Variants in MARK2 observed in about 807,000 individuals in gnomAD.
MARK2 encodes serine/threonine-protein kinase MARK2.
Under a neutral mutation model 89.8 loss-of-function variants are expected in MARK2, and 16 were observed. The observed-to-expected ratio is 0.18, with a 90% CI of 0.12 to 0.27. MARK2 has a LOEUF of 0.27. MARK2 is among the 10% of genes least tolerant of loss of function. MARK2 has a pLI of 1.00. For synonymous variants in MARK2, 382 were observed against 399.5 expected, an observed-to-expected ratio of 0.96 and a Z score of 0.52; for missense variants, 621 against 1,049.9, an observed-to-expected ratio of 0.59 and a Z score of 5.65.
intron 1 of MARK2, chr11:63,888,840 G>C (rs989978041): frequency 4.6e-6 from 6 of 1,300,726 alleles, no homozygotes; most frequent in African/African-American, 1.5e-5. Context: ...TGGCTGAGCC[G>C]GCAGCCCCCG....
At chr11:63,867,328 A>G (rs1296256236) in intron 1 of MARK2, among the ~76,000 whole-genome samples, 1 of 152,228 alleles carries the variant, frequency 6.6e-6, no homozygotes, top group African/African-American at 2.4e-5. Context: ...ACAGTTGGCC[A>G]AGGTATAGTT....
chr11:63,874,643 C>T (rs758586222), intron 1 of MARK2, among the ~76,000 whole-genome samples: 1 of 152,198 alleles, frequency 6.6e-6, no homozygotes, highest in Non-Finnish European at 1.5e-5. Context: ...GTTGCCAATG[C>T]TTGCCCTGTG....
At position 63,910,224 on chromosome 11, in the gene MARK2, C is replaced by T. The variant is rs1236292432; in HGVS notation, c.*987C>T. On this transcript the variant is annotated 3_prime_UTR_variant, in exon 19 of 19. Transcript: ENST00000402010. Reference sequence around the variant, plus strand: ...ACAGCCCCCTCGCCCTTCCTCTCCCCATGGCTTCCCCTTCATTGGCATTAA... The same window carrying T: ...ACAGCCCCCTCGCCCTTCCTCTCCCTATGGCTTCCCCTTCATTGGCATTAA... The T allele has an allele frequency of 6.5e-6, 1 of 152,738 alleles. No individual in the cohort carries two copies. 9.5% of individuals were successfully genotyped at this position (152,738 alleles called of 1,614,324 possible).
intron 1 of MARK2, among the ~76,000 whole-genome samples, chr11:63,873,708 C>A (rs545170540): frequency 6.6e-6 from 1 of 152,268 alleles, no homozygotes; most frequent in South Asian, 2.1e-4. Context: ...TGCAGTGGCG[C>A]GATCTCGGCT....
chr11:63,872,677 C>CTAG (rs1938522913), intron 1 of MARK2, among the ~76,000 whole-genome samples: 1 of 152,150 alleles, frequency 6.6e-6, no homozygotes, highest in African/African-American at 2.4e-5. Flanking sequence ...CCCGCTTCTA[C>CTAG]CGTGGTTGGT....
At chr11:63,890,090 T>A (rs1390287179) in intron 1 of MARK2, 3 of 434,734 alleles carry the variant, frequency 6.9e-6, no homozygotes, top group African/African-American at 2.0e-5. Context: ...CACTGCATAC[T>A]CTTACCTCTT....
At chr11:63,885,000 C>T (rs1318243168) in intron 1 of MARK2, among the ~76,000 whole-genome samples, 2 of 151,972 alleles carry the variant, frequency 1.3e-5, no homozygotes, top group African/African-American at 4.8e-5. Context: ...CCAGGGAGTT[C>T]GAGACCAGCC....
chr11:63,907,452 C>T lies in MARK2; in HGVS notation c.1962-808C>T, dbSNP rs1590715277. On this transcript the variant is annotated intron_variant, in intron 17 of 18. Coordinates refer to ENST00000402010, the MANE Select transcript of MARK2 (RefSeq NM_001039469.3). The stretch of plus-strand genomic sequence containing the variant: ...TGCTGCTGCTCTTCCTCCTTCCTCT[C>T]ATATCCTTCCTCCTCTGCAATCCCC... Among the ~76,000 whole-genome samples the T allele has an allele frequency of 2.0e-5, 3 of 152,362 alleles. No individual in the cohort carries two copies. The South Asian group carries it at 6.2e-4, about 32-fold the overall frequency.
At chr11:63,862,895 C>G (rs1937888694) in intron 1 of MARK2, among the ~76,000 whole-genome samples, 2 of 152,098 alleles carry the variant, frequency 1.3e-5, no homozygotes, top group Non-Finnish European at 2.9e-5. Context: ...ACATAAGAAG[C>G]TTTTGTCTGT....
At chr11:63,885,039 C>T (rs1328860692) in intron 1 of MARK2, among the ~76,000 whole-genome samples, 1 of 152,024 alleles carries the variant, frequency 6.6e-6, no homozygotes, top group African/African-American at 2.4e-5. Flanking sequence ...CCTGTCTGTA[C>T]AAAAAATACA....
chr11:63,888,764 T>A lies in MARK2; in HGVS notation c.55-6395T>A. ...CCAGGCAGGAACCGCTCGGCCTGGC[T>A]GCTTAGCTACTTTTCACTGAGGAGG... On this transcript the variant is annotated intron_variant, in intron 1 of 18. Transcript: ENST00000402010. 3 of 1,225,144 alleles carry A rather than the reference T, an allele frequency of 2.4e-6. No homozygotes were observed. In the South Asian group the frequency reaches 4.2e-5, roughly 17 times the overall value. The allele number at this position is 1,225,144 out of a possible 1,614,324, so 75.9% of individuals were successfully genotyped here. A position where few individuals can be genotyped will look rare whatever the true frequency, so the allele number is the denominator to read the frequency against.
intron 3 of MARK2, among the ~76,000 whole-genome samples, chr11:63,897,297 G>A (rs146257385): frequency 6.6e-6 from 1 of 152,286 alleles, no homozygotes; most frequent in African/African-American, 2.4e-5. Context: ...TGTTGGACCA[G>A]GGAAAAAAGT....
At chr11:63,905,528 G>A (rs887369520) in intron 16 of MARK2, among the ~76,000 whole-genome samples, 6 of 151,986 alleles carry the variant, frequency 3.9e-5, no homozygotes, top group East Asian at 1.9e-4. Context: ...CCTTCTGCCC[G>A]GGGGTTTTAG....
intron 1 of MARK2, among the ~76,000 whole-genome samples, chr11:63,884,519 C>T (rs1409219181): frequency 1.3e-5 from 2 of 152,234 alleles, no homozygotes; most frequent in Non-Finnish European, 2.9e-5. Context: ...AGTAAACCAC[C>T]TTGGTTTTGG....
rs775677958 is a variant in MARK2 at position 63,900,518 on chromosome 11, T to G, written c.769-41T>G. ...GGATATTAGGTTTCTTCCTTTGGCC[T>G]TGGGGTGATTTCAATTTTCTAACCC... On this transcript the variant is annotated intron_variant, in intron 8 of 18. Transcript: ENST00000402010. The surrounding 1 kb of genome is among the most constrained non-coding windows in gnomAD (Gnocchi z 4.7). The G allele has an allele frequency of 6.2e-7, 1 of 1,609,236 alleles. No homozygotes were observed. Among genetic ancestry groups the G allele is most frequent in the East Asian group, 2.2e-5 (1 of 44,842 alleles).
intron 17 of MARK2, among the ~76,000 whole-genome samples, chr11:63,906,929 C>T (rs1236460423): frequency 2.6e-5 from 4 of 151,856 alleles, no homozygotes; most frequent in Non-Finnish European, 5.9e-5. Flanking sequence ...GTGCGGGGAG[C>T]TGGGACATTC....
intron 1 of MARK2, among the ~76,000 whole-genome samples, chr11:63,876,926 G>C (rs868101532): frequency 8.6e-5 from 13 of 152,028 alleles, no homozygotes; most frequent in South Asian, 8.3e-4. Context: ...TAATCTCACT[G>C]AAGAGTGCCA....
rs780223361 is a variant in MARK2 at position 63,903,658 on chromosome 11, C to A, written c.1515-328C>A. On this transcript the variant is annotated intron_variant, in intron 14 of 18. Coordinates refer to ENST00000402010, the MANE Select transcript of MARK2 (RefSeq NM_001039469.3). The surrounding 1 kb of genome is among the most constrained non-coding windows in gnomAD (Gnocchi z 5.1). The stretch of plus-strand genomic sequence containing the variant: ...TGAAAGTTTCCCCTCAGCAACACCC[C>A]ACTCTTTCTGTAGAAGAAACTCTCC... 1.3e-5 allele frequency among the ~76,000 whole-genome samples: 2 copies of A among 152,150 alleles called. No individual in the cohort carries two copies. The highest frequency in any genetic ancestry group is 4.8e-5 in the African/African-American group (2 of 41,406).
At chr11:63,890,392 C>A in intron 1 of MARK2, 1 of 594,140 alleles carries the variant, frequency 1.7e-6, no homozygotes, top group Non-Finnish European at 2.7e-6. Context: ...GATCAAAGAG[C>A]AAGCACCAGT....
Sources: allele counts gnomAD v4.1 joint callset (sites outside exome capture counted in the v4.1 genomes callset), GRCh38; gene constraint gnomAD v4.1.1; non-coding constraint Gnocchi (gnomAD v3.1); transcripts MANE v1.5; gene names NCBI Gene and HGNC (gene_info 2026-07-23, HGNC 2026-07-21).